Variants in DOCK2 observed in about 807,000 individuals in gnomAD.
DOCK2 encodes dedicator of cytokinesis 2.
A neutral mutation model predicts 248.9 loss-of-function variants in DOCK2; 87 were observed. That is an observed-to-expected ratio of 0.35 (90% CI 0.29 to 0.42). The LOEUF is 0.42. Ranked by LOEUF, DOCK2 falls within the 10% of genes least tolerant of loss-of-function variation. The pLI, the probability that DOCK2 is intolerant of heterozygous loss-of-function variation, is 1.00. For missense variants in DOCK2, 1,747 were observed against 2,300.2 expected (o/e 0.76, Z 4.92); for synonymous variants, 805 against 821.6 (o/e 0.98, Z 0.35).
At chr5:169,637,442 G>C (rs1270897839) in intron 1 of DOCK2, 73 bp downstream of exon 1, 24 of 1,287,604 alleles carry the variant, frequency 1.9e-5, no homozygotes, top group Non-Finnish European at 2.4e-5. Context: ...AGGATGCTGC[G>C]GGGCCGGCGG....
intron 2 of DOCK2, among the ~76,000 whole-genome samples, chr5:169,660,634 T>C (rs1176426659): frequency 6.6e-6 from 1 of 152,234 alleles, no homozygotes; most frequent in Non-Finnish European, 1.5e-5. Context: ...AGGCAGTGGC[T>C]TCCATGCTAA....
intron 27 of DOCK2, chr5:169,934,545 C>G (rs755542178): frequency 2.3e-6 from 1 of 433,668 alleles, no homozygotes; most frequent in Non-Finnish European, 4.6e-6. Context: ...TAATTGTATG[C>G]GCTACATTCA....
intron 28 of DOCK2, among the ~76,000 whole-genome samples, chr5:169,984,650 C>T (rs1445937751): frequency 6.6e-6 from 1 of 152,218 alleles, no homozygotes; most frequent in Admixed American, 6.5e-5. Context: ...CATAAACATG[C>T]ACACACGTGC....
chr5:169,637,461 G>T, intron 1 of DOCK2, 92 bp downstream of exon 1: 1 of 1,267,226 alleles, frequency 7.9e-7, no homozygotes, highest in South Asian at 2.4e-5. Context: ...GGCGCGGGGT[G>T]GGCAGGGCGC....
At chr5:169,825,592 G>A (rs1489642661) in intron 26 of DOCK2, among the ~76,000 whole-genome samples, 2 of 139,734 alleles carry the variant, frequency 1.4e-5, no homozygotes, top group East Asian at 2.2e-4. Context: ...GACGCAGGGC[G>A]GGGAACATCA....
intron 9 of DOCK2, among the ~76,000 whole-genome samples, chr5:169,692,612 G>A (rs1169783251): frequency 1.3e-5 from 2 of 151,962 alleles, no homozygotes; most frequent in Non-Finnish European, 2.9e-5. Context: ...ATTGTTAAGA[G>A]AAGAAGGTGG....
At chr5:169,868,480 T>C (rs1771735357) in intron 27 of DOCK2, among the ~76,000 whole-genome samples, 1 of 152,174 alleles carries the variant, frequency 6.6e-6, no homozygotes, top group African/African-American at 2.4e-5. Context: ...AAAAATAGGC[T>C]GGGCGCAGTG....
intron 26 of DOCK2, among the ~76,000 whole-genome samples, chr5:169,813,717 T>C (rs1418739490): frequency 6.6e-6 from 1 of 152,206 alleles, no homozygotes; most frequent in Admixed American, 6.5e-5. Context: ...GGGAGATATG[T>C]TTCATTTCTC....
At chr5:169,909,057 C>T (rs1009042189) in intron 27 of DOCK2, among the ~76,000 whole-genome samples, 2 of 152,178 alleles carry the variant, frequency 1.3e-5, no homozygotes, top group African/African-American at 4.8e-5. Context: ...GAGGCTGAGC[C>T]AGGCTGCCTG....
At chr5:170,080,436 T>C (rs1266859088) in intron 50 of DOCK2, 153 bp downstream of exon 50, 10 of 1,204,196 alleles carry the variant, frequency 8.3e-6, no homozygotes, top group South Asian at 1.5e-5. Context: ...CACCCTCTAA[T>C]CTCTCCCCAC....
intron 26 of DOCK2, among the ~76,000 whole-genome samples, chr5:169,820,340 C>G (rs1768349741): frequency 6.6e-6 from 1 of 152,204 alleles, no homozygotes; most frequent in Admixed American, 6.5e-5. Flanking sequence ...GGTCCCTGAC[C>G]CCCAAGTAGC....
chr5:169,989,711 ACT>A (rs1232631160), intron 29 of DOCK2, among the ~76,000 whole-genome samples: 1 of 152,052 alleles, frequency 6.6e-6, no homozygotes, highest in African/African-American at 2.4e-5. Flanking sequence ...ACCACTCTAG[ACT>A]CTGTTTTCCT....
At chr5:169,903,827 G>A (rs113409402) in intron 27 of DOCK2, among the ~76,000 whole-genome samples, 2 of 151,894 alleles carry the variant, frequency 1.3e-5, no homozygotes, top group African/African-American at 4.8e-5. Context: ...AAACTGGGCG[G>A]AGTGGCTCAT....
chr5:169,815,840 G>A (rs982722080), intron 26 of DOCK2, among the ~76,000 whole-genome samples: 6 of 152,146 alleles, frequency 3.9e-5, no homozygotes, highest in African/African-American at 9.6e-5. Flanking sequence ...CATAAATGGC[G>A]TGGCGGCTTG....
chr5:170,055,184 C>T (rs1271617771), intron 41 of DOCK2, 121 bp from the exon 42 acceptor site: 8 of 893,254 alleles, frequency 9.0e-6, no homozygotes, highest in Non-Finnish European at 1.4e-5. Context: ...ACCTGAGGTT[C>T]ATCATTCAGT....
chr5:169,772,305 C>T (rs577312212), intron 25 of DOCK2, among the ~76,000 whole-genome samples: 3 of 152,352 alleles, frequency 2.0e-5, no homozygotes, highest in Non-Finnish European at 2.9e-5. Context: ...CTTCTCTCGG[C>T]TTGCACTTTC....
chr5:169,965,970 G>C (rs747840207), intron 27 of DOCK2, among the ~76,000 whole-genome samples: 7 of 152,174 alleles, frequency 4.6e-5, no homozygotes, highest in Admixed American at 1.3e-4. Flanking sequence ...CATCAGCTGG[G>C]ACCTTGGAGA....
chr5:170,077,582 AC>A, intron 47 of DOCK2, 127 bp from the exon 48 acceptor site: 3 of 1,364,016 alleles, frequency 2.2e-6, no homozygotes, highest in Non-Finnish European at 3.0e-6. Flanking sequence ...CCAGCCAGGA[AC>A]TTTTGTGCTG....
At chr5:170,059,740 A>T (rs1374397237) in intron 44 of DOCK2, among the ~76,000 whole-genome samples, 2 of 152,246 alleles carry the variant, frequency 1.3e-5, no homozygotes, top group Admixed American at 6.5e-5. Flanking sequence ...ATACTTACAT[A>T]AATTAATCAG....
Sources: allele counts gnomAD v4.1 joint callset (sites outside exome capture counted in the v4.1 genomes callset), GRCh38; gene constraint gnomAD v4.1.1; transcripts MANE v1.5; gene names NCBI Gene and HGNC (gene_info 2026-07-23, HGNC 2026-07-21).